SOX5: variants seen among roughly 807,000 people sequenced by gnomAD.
SOX5 encodes SRY-box transcription factor 5.
In SOX5, 9 loss-of-function variants were observed where a neutral mutation model predicts 92.0. The observed-to-expected ratio is 0.10, with a 90% CI of 0.06 to 0.17. SOX5 has a LOEUF of 0.17. SOX5 is among the 10% of genes least tolerant of loss of function. The probability of loss-of-function intolerance (pLI) is 1.00; values close to 1 mark genes in which losing one functional copy is unlikely to be tolerated. For missense variants in SOX5, 642 were observed against 944.5 expected (o/e 0.68, Z 4.20); for synonymous variants, 344 against 336.3 (o/e 1.02, Z -0.25).
chr12:24,051,526 G>A (rs552065178), intron 4 of SOX5, among the ~76,000 whole-genome samples: 15 of 152,188 alleles, frequency 9.9e-5, no homozygotes, highest in Non-Finnish European at 2.1e-4. Context: ...TTCCAAGAAC[G>A]AAGAGCTAGT....
chr12:23,910,136 A>G (rs2097335779), intron 1 of SOX5, among the ~76,000 whole-genome samples: 2 of 152,114 alleles, frequency 1.3e-5, no homozygotes, highest in South Asian at 2.1e-4. Flanking sequence ...TGATTTCAAG[A>G]TAGTTATTTA....
At chr12:24,421,284 A>G (rs780388360) in intron 1 of SOX5, among the ~76,000 whole-genome samples, 2 of 152,112 alleles carry the variant, frequency 1.3e-5, no homozygotes, top group Non-Finnish European at 2.9e-5. Context: ...ACCACAGCAT[A>G]TATTTGTTTT....
chr12:23,979,720 T>G (rs1215754073), intron 4 of SOX5, among the ~76,000 whole-genome samples: 2 of 117,350 alleles, frequency 1.7e-5, no homozygotes, highest in African/African-American at 6.4e-5. Flanking sequence ...TTTTTTTTTT[T>G]TTTTTTTTTT....
chr12:23,692,896 T>C (rs566585901), intron 6 of SOX5, among the ~76,000 whole-genome samples: 3 of 152,314 alleles, frequency 2.0e-5, no homozygotes, highest in Non-Finnish European at 2.9e-5. Flanking sequence ...GGAAATTAAA[T>C]AGTTTAGCAT....
chr12:24,221,271 C>T (rs769248317), intron 3 of SOX5, among the ~76,000 whole-genome samples: 3 of 152,128 alleles, frequency 2.0e-5, no homozygotes, highest in Non-Finnish European at 4.4e-5. Flanking sequence ...CTCCTCCACC[C>T]TATCCATCAC....
At chr12:24,043,505 TG>T (rs1159139904) in intron 4 of SOX5, among the ~76,000 whole-genome samples, 1 of 152,206 alleles carries the variant, frequency 6.6e-6, no homozygotes. Flanking sequence ...ATGGCAGAAC[TG>T]GGACAATCAT....
intron 9 of SOX5, among the ~76,000 whole-genome samples, chr12:23,586,489 A>T (rs967380114): frequency 6.6e-6 from 1 of 152,158 alleles, no homozygotes; most frequent in Non-Finnish European, 1.5e-5. Flanking sequence ...GGGGAAAAAA[A>T]AATTCTTGCA....
chr12:23,575,452 C>T (rs886945935), intron 10 of SOX5, among the ~76,000 whole-genome samples: 2 of 152,188 alleles, frequency 1.3e-5, no homozygotes, highest in African/African-American at 4.8e-5. Flanking sequence ...ATAACCTACA[C>T]AATTAGATTT....
intron 2 of SOX5, among the ~76,000 whole-genome samples, chr12:23,854,540 A>G (rs2136240359): frequency 6.6e-6 from 1 of 152,138 alleles, no homozygotes; most frequent in Middle Eastern, 3.4e-3. Flanking sequence ...AAATTAATTT[A>G]TATGTATATG....
At chr12:24,353,631 G>A (rs1954403546) in intron 2 of SOX5, among the ~76,000 whole-genome samples, 1 of 151,830 alleles carries the variant, frequency 6.6e-6, no homozygotes, top group African/African-American at 2.4e-5. Flanking sequence ...GGGAGCAGTT[G>A]CTTCATTATT....
intron 2 of SOX5, among the ~76,000 whole-genome samples, chr12:23,878,866 G>C (rs760176939): frequency 6.6e-6 from 1 of 152,004 alleles, no homozygotes; most frequent in Admixed American, 6.6e-5. Flanking sequence ...CAGATATCCA[G>C]TTCTAGGATA....
At chr12:24,050,669 T>C (rs1045881720) in intron 4 of SOX5, among the ~76,000 whole-genome samples, 2 of 152,172 alleles carry the variant, frequency 1.3e-5, no homozygotes, top group Non-Finnish European at 2.9e-5. Flanking sequence ...TTCTTTAAAG[T>C]TATGTATGCA....
intron 1 of SOX5, among the ~76,000 whole-genome samples, chr12:23,943,380 C>T (rs777980223): frequency 6.6e-6 from 1 of 151,900 alleles, no homozygotes; most frequent in Admixed American, 6.6e-5. Context: ...CAGTACAAGG[C>T]ATTAAGAAAA....
intron 4 of SOX5, among the ~76,000 whole-genome samples, chr12:24,120,954 G>T (rs1293233755): frequency 6.6e-6 from 1 of 152,162 alleles, no homozygotes; most frequent in East Asian, 1.9e-4. Context: ...GTTGATGCAG[G>T]TGATCTCCAG....
At chr12:24,256,055 A>T (rs1404381883) in intron 3 of SOX5, among the ~76,000 whole-genome samples, 1 of 152,238 alleles carries the variant, frequency 6.6e-6, no homozygotes, top group African/African-American at 2.4e-5. Context: ...GAATTTTTAA[A>T]ACAGGTCAGT....
At chr12:23,612,207 A>G (rs1432836721) in intron 8 of SOX5, among the ~76,000 whole-genome samples, 3 of 152,048 alleles carry the variant, frequency 2.0e-5, no homozygotes, top group Admixed American at 1.3e-4. Context: ...TCAATAAAAT[A>G]TATTAAAAAT....
At chr12:23,763,967 A>G (rs2094636187) in intron 3 of SOX5, among the ~76,000 whole-genome samples, 1 of 152,104 alleles carries the variant, frequency 6.6e-6, no homozygotes, top group African/African-American at 2.4e-5. Context: ...GTGCACAGCT[A>G]ATGAATATTG....
chr12:23,780,061 T>C (rs2095242460), intron 3 of SOX5, among the ~76,000 whole-genome samples: 2 of 150,696 alleles, frequency 1.3e-5, no homozygotes, highest in Non-Finnish European at 3.0e-5. Flanking sequence ...CCCTAATCAA[T>C]GTTGTCTTGA....
intron 6 of SOX5, among the ~76,000 whole-genome samples, chr12:23,668,925 T>G (rs916155857): frequency 2.6e-5 from 4 of 152,336 alleles, no homozygotes; most frequent in African/African-American, 9.6e-5. Flanking sequence ...TATCAATTAC[T>G]CATAGTTAAA....
Sources: allele counts gnomAD v4.1 joint callset (sites outside exome capture counted in the v4.1 genomes callset), GRCh38; gene constraint gnomAD v4.1.1; transcripts MANE v1.5; gene names NCBI Gene and HGNC (gene_info 2026-07-23, HGNC 2026-07-21).